The following FGF13 variants were observed in gnomAD, a reference collection of about 807,000 sequenced individuals.
FGF13 encodes the protein fibroblast growth factor homologous factor 2.
Under a neutral mutation model 19.5 loss-of-function variants are expected in FGF13, and 2 were observed. That is an observed-to-expected ratio of 0.10 (90% CI 0.04 to 0.32). The LOEUF (loss-of-function observed/expected upper bound fraction) is 0.32. Among genes scored for constraint, FGF13 ranks in the 10% least tolerant of loss-of-function variants. The pLI, the probability that FGF13 is intolerant of heterozygous loss-of-function variation, is 1.00. For synonymous variants in FGF13, 72 were observed against 76.9 expected (o/e 0.94, Z 0.33); for missense variants, 113 against 192.7 (o/e 0.59, Z 2.45).
intron 1 of FGF13, among the ~76,000 whole-genome samples, chrX:139,094,951 C>A (rs1302659453): frequency 8.9e-6 from 1 of 112,603 alleles, no homozygotes; most frequent in Non-Finnish European, 1.9e-5. Flanking sequence ...AAAATGTGCT[C>A]TCCTAGCCAG....
chrX:138,910,526 T>G (rs1603024175), intron 1 of FGF13, among the ~76,000 whole-genome samples: 2 of 112,304 alleles, frequency 1.8e-5, no homozygotes, highest in African/African-American at 6.5e-5. Context: ...CTGCAAGTTC[T>G]GAAAGGCTGG....
At chrX:139,172,561 T>A (rs1370172310) in intron 1 of FGF13, among the ~76,000 whole-genome samples, 1 of 111,596 alleles carries the variant, frequency 9.0e-6, no homozygotes, top group African/African-American at 3.3e-5. Flanking sequence ...CTGGTCAACC[T>A]TTGCACAAAG....
chrX:138,753,842 T>G (rs762557705), intron 3 of FGF13, among the ~76,000 whole-genome samples: 2 of 112,417 alleles, frequency 1.8e-5, no homozygotes, highest in East Asian at 5.6e-4. Context: ...CTTCTAATGA[T>G]GCTCTTTTGT....
At chrX:139,196,161 C>T (rs12859938) in intron 1 of FGF13, among the ~76,000 whole-genome samples, 1,517 of 111,805 alleles carry the variant, frequency 0.014, 6 homozygotes, top group Non-Finnish European at 0.022. Context: ...AAAGCATATA[C>T]CATGTAATGA....
At position 138,978,266 on chromosome X, in the gene FGF13, G is replaced by GTTTTTTT. The variant is rs10666140; in HGVS notation, c.-112-113623_-112-113617dup. ...TAATCTCTATGGGCTAGCTGCCCTG[G>GTTTTTTT]TTTTTTTTTTTTTTGAGATGGAGTC... On this transcript the variant is annotated intron_variant, in intron 1 of 2. Transcript: ENST00000421460. Among the ~76,000 whole-genome samples the GTTTTTTT allele has an allele frequency of 1.3e-4, 11 of 82,885 alleles. 1 individual carries two copies. The highest frequency in any genetic ancestry group is 6.2e-4 in the South Asian group (1 of 1,617). 72.0% of individuals were successfully genotyped at this position (82,885 alleles called of 115,157 possible).
chrX:138,730,198 G>C (rs186715420), intron 1 of FGF13, among the ~76,000 whole-genome samples: 1,830 of 110,628 alleles, frequency 0.017, 42 homozygotes, highest in African/African-American at 0.056. Context: ...GGGTGGAGGA[G>C]GGGGGAAGGG....
chrX:138,880,374 A>C (rs2091416126), intron 1 of FGF13, among the ~76,000 whole-genome samples: 1 of 112,136 alleles, frequency 8.9e-6, no homozygotes, highest in South Asian at 3.7e-4. Context: ...ATAAGGACAC[A>C]TGCACACGTA....
intron 3 of FGF13, among the ~76,000 whole-genome samples, chrX:138,765,125 C>T (rs915406017): frequency 8.9e-6 from 1 of 112,167 alleles, no homozygotes; most frequent in African/African-American, 3.2e-5. Flanking sequence ...CACTGAGCCT[C>T]TTTCTTCATC....
At chrX:139,062,803 T>C (rs761854374) in intron 1 of FGF13, among the ~76,000 whole-genome samples, 2 of 111,961 alleles carry the variant, frequency 1.8e-5, no homozygotes, top group African/African-American at 6.5e-5. Flanking sequence ...CAATCCCTAG[T>C]GGGGGATCCT....
rs759068603 is a variant in FGF13, at chrX:139,002,342, T to A, written c.-112-137692A>T. ...TATCCCAGAACTTAAAGTATAATTT[T>A]AAAAAAAAGATGAACACAAAAGCTT... On this transcript the variant is annotated intron_variant, in intron 1 of 2. Transcript: ENST00000421460. Among the ~76,000 whole-genome samples the A allele has an allele frequency of 1.6e-3, 182 of 111,220 alleles. 1 individual carries two copies. Among genetic ancestry groups the A allele is most frequent in the Non-Finnish European group, 2.5e-3 (131 of 52,974 alleles).
intron 1 of FGF13, among the ~76,000 whole-genome samples, chrX:138,983,019 C>T (rs931912547): frequency 1.2e-4 from 13 of 111,703 alleles, no homozygotes; most frequent in Non-Finnish European, 2.1e-4. Context: ...ATATTAACCT[C>T]GTATCAGATA....
intron 3 of FGF13, among the ~76,000 whole-genome samples, chrX:138,672,538 A>AAG (rs1454622004): frequency 1.8e-5 from 2 of 111,956 alleles, no homozygotes; most frequent in Non-Finnish European, 3.8e-5. Flanking sequence ...TGAGATGGAG[A>AAG]AGACTGTGAA....
intron 3 of FGF13, among the ~76,000 whole-genome samples, chrX:138,677,112 A>G (rs1348378974): frequency 8.9e-6 from 1 of 112,354 alleles, no homozygotes; most frequent in African/African-American, 3.2e-5. Context: ...TGTACTATCT[A>G]TTATAGTTAT....
chrX:138,619,016 G>A lies in FGF13; in HGVS notation c.*13834C>T. 9.1e-6 allele frequency: 1 copy of A among 109,377 alleles called. No homozygotes were observed. The highest frequency in any genetic ancestry group is 4.6e-3 in the Middle Eastern group (1 of 217). 9.0% of individuals were successfully genotyped at this position (109,377 alleles called of 1,213,427 possible). A position where few individuals can be genotyped will look rare whatever the true frequency, so the allele number is the denominator to read the frequency against. ...GAACATGGCAACACGAGATTTCAAG[G>A]AACACCTGCCAAAAACAACACAAAA... On this transcript the variant is annotated 3_prime_UTR_variant, in exon 5 of 5. Transcript: ENST00000315930.
chrX:139,064,463 C>G (rs1220684291), intron 1 of FGF13, among the ~76,000 whole-genome samples: 2 of 79,118 alleles, frequency 2.5e-5, no homozygotes, highest in African/African-American at 1.2e-4. Context: ...CCACCGCGCC[C>G]GGCTAATTTT....
chrX:138,756,409 T>C (rs929091273), intron 3 of FGF13, among the ~76,000 whole-genome samples: 1 of 112,358 alleles, frequency 8.9e-6, no homozygotes, highest in African/African-American at 3.2e-5. Flanking sequence ...GCAGCCAGTT[T>C]GAAGCAGGAC....
At chrX:138,937,356 T>C (rs1251985955) in intron 1 of FGF13, among the ~76,000 whole-genome samples, 1 of 111,859 alleles carries the variant, frequency 8.9e-6, no homozygotes, top group Non-Finnish European at 1.9e-5. Context: ...AGGCTAGATA[T>C]GAACCCTCAT....
At position 139,013,688 on chromosome X, in the gene FGF13, C is replaced by T. The variant is rs537880888; in HGVS notation, c.-112-149038G>A. Among the ~76,000 whole-genome samples the T allele has an allele frequency of 1.9e-4, 20 of 106,947 alleles. 1 individual carries two copies. Among genetic ancestry groups the T allele is most frequent in the Non-Finnish European group, 2.5e-4 (13 of 51,942 alleles). 92.9% of individuals were successfully genotyped at this position (106,947 alleles called of 115,157 possible). A position where few individuals can be genotyped will look rare whatever the true frequency, so the allele number is the denominator to read the frequency against. On this transcript the variant is annotated intron_variant, in intron 1 of 2. Transcript: ENST00000421460. ...ATATGTGGGAGCTAAGCTATGAGGA[C>T]GCAAAGGTATACAAATGACATATTG...
At chrX:138,841,670 G>C (rs2091150879) in intron 3 of FGF13, among the ~76,000 whole-genome samples, 1 of 111,082 alleles carries the variant, frequency 9.0e-6, no homozygotes, top group Admixed American at 9.6e-5. Context: ...AATTGCTTTT[G>C]AAAAAATAAA....
Sources: allele counts gnomAD v4.1 joint callset (sites outside exome capture counted in the v4.1 genomes callset), GRCh38; gene constraint gnomAD v4.1.1; transcripts MANE v1.5; gene names NCBI Gene and HGNC (gene_info 2026-07-23, HGNC 2026-07-21).